Variants in CRB1 observed in about 807,000 individuals in gnomAD.
The protein encoded by CRB1 is crumbs cell polarity complex component 1.
A neutral mutation model predicts 120.0 loss-of-function variants in CRB1; 83 were observed. That is an observed-to-expected ratio of 0.69 (90% CI 0.58 to 0.83). The LOEUF (loss-of-function observed/expected upper bound fraction) is 0.83. Ranked by LOEUF, CRB1 falls within the 40% of genes least tolerant of loss-of-function variation. The pLI is 0.00. For missense variants in CRB1, 1,699 were observed against 1,687.6 expected (o/e 1.01, Z -0.12); for synonymous variants, 625 against 612.5 (o/e 1.02, Z -0.30).
chr1:197,348,722 C>T (rs1020954102), intron 4 of CRB1, among the ~76,000 whole-genome samples: 2 of 152,152 alleles, frequency 1.3e-5, no homozygotes, highest in African/African-American at 2.4e-5. Context: ...GTGATCCGCC[C>T]GCCTCAGCCT....
intron 11 of CRB1, among the ~76,000 whole-genome samples, chr1:197,467,910 G>A (rs975799705): frequency 6.6e-6 from 1 of 152,264 alleles, no homozygotes; most frequent in African/African-American, 2.4e-5. Flanking sequence ...CCTCCTGAGA[G>A]ACAGGAAATC....
intron 10 of CRB1, chr1:197,439,637 A>G (rs1238430330): frequency 1.3e-5 from 2 of 152,116 alleles, no homozygotes; most frequent in Admixed American, 1.3e-4. Flanking sequence ...CTTCCATCTC[A>G]TGTATCATCG....
At chr1:197,452,297 C>T (rs539344290) in intron 11 of CRB1, among the ~76,000 whole-genome samples, 29 of 152,336 alleles carry the variant, frequency 1.9e-4, no homozygotes, top group South Asian at 1.5e-3. Flanking sequence ...TCCCTGCATA[C>T]GTGACCTATT....
chr1:197,411,874 G>T (rs1663730721), intron 5 of CRB1, among the ~76,000 whole-genome samples: 1 of 152,134 alleles, frequency 6.6e-6, no homozygotes, highest in Non-Finnish European at 1.5e-5. Flanking sequence ...TCACCCAGAT[G>T]TTAAGCCTAG....
intron 1 of CRB1, among the ~76,000 whole-genome samples, chr1:197,286,118 G>GA (rs1655809826): frequency 6.6e-6 from 1 of 151,662 alleles, no homozygotes; most frequent in African/African-American, 2.4e-5. Flanking sequence ...GCTAATTATT[G>GA]GTGCTCCAGG....
chr1:197,345,692 G>A (rs949599706), intron 3 of CRB1, among the ~76,000 whole-genome samples: 6 of 151,684 alleles, frequency 4.0e-5, no homozygotes, highest in Non-Finnish European at 7.4e-5. Context: ...ATTTTTAGTA[G>A]AGATAGGGTT....
the CRB1 span, among the ~76,000 whole-genome samples, chr1:197,224,129 G>A: frequency 5.4e-5 from 8 of 148,946 alleles, no homozygotes; most frequent in Non-Finnish European, 1.2e-4. Flanking sequence ...TAAAGCTCTT[G>A]TACCGAAAAA....
rs1666220567 is a variant in CRB1, at chr1:197,455,362, C to T, written c.4005+13070C>T. ...CTTGAATTATTTTCCTTATTTTTTG[C>T]TCAAGGAGAACTTTTGGCATCAGTT... On this transcript the variant is annotated intron_variant, in intron 11 of 11. Transcript: ENST00000367400. Among the ~76,000 whole-genome samples the T allele has an allele frequency of 1.3e-5, 2 of 152,042 alleles. 1 individual carries two copies. Among genetic ancestry groups the T allele is most frequent in the South Asian group, 4.2e-4 (2 of 4,816 alleles).
intron 5 of CRB1, among the ~76,000 whole-genome samples, chr1:197,369,938 A>C (rs945456117): frequency 1.3e-5 from 2 of 152,060 alleles, no homozygotes; most frequent in African/African-American, 4.8e-5. Context: ...TCTTCTTCCA[A>C]ATCTCATGTT....
chr1:197,225,438 C>T, the CRB1 span, among the ~76,000 whole-genome samples: 1 of 152,188 alleles, frequency 6.6e-6, no homozygotes, highest in East Asian at 1.9e-4. Context: ...ATTGCCTACC[C>T]CAGCAGCTCT....
chr1:197,219,377 T>G, the CRB1 span, among the ~76,000 whole-genome samples: 1 of 152,210 alleles, frequency 6.6e-6, no homozygotes, highest in Non-Finnish European at 1.5e-5. Flanking sequence ...TTCACTTGAT[T>G]TTTGTGCCTT....
the CRB1 span, among the ~76,000 whole-genome samples, chr1:197,219,949 GC>G: frequency 1.3e-5 from 2 of 152,172 alleles, no homozygotes; most frequent in Admixed American, 6.5e-5. Context: ...CTTTAGGGAA[GC>G]TTTTGCTAAC....
the CRB1 span, among the ~76,000 whole-genome samples, chr1:197,259,028 A>G: frequency 6.6e-6 from 1 of 152,208 alleles, no homozygotes; most frequent in South Asian, 2.1e-4. Context: ...TCAAGAAACA[A>G]CAGATGCTGG....
intron 1 of CRB1, among the ~76,000 whole-genome samples, chr1:197,309,678 C>T (rs1218728099): frequency 2.0e-5 from 3 of 151,602 alleles, no homozygotes; most frequent in Non-Finnish European, 2.9e-5. Context: ...GGCATGAACC[C>T]GGGAGGCAGA....
the CRB1 span, chr1:197,222,606 A>G: frequency 1.3e-6 from 1 of 772,260 alleles, no homozygotes; most frequent in Non-Finnish European, 2.4e-6. Flanking sequence ...TAGTGAGGAA[A>G]GAGTGTATTT....
chr1:197,351,727 G>A (rs1293809620), intron 4 of CRB1, among the ~76,000 whole-genome samples: 2 of 152,134 alleles, frequency 1.3e-5, no homozygotes, highest in African/African-American at 4.8e-5. Flanking sequence ...AGGTTGGGGC[G>A]AGGGGTAGTC....
At chr1:197,430,207 C>A (rs934736324) in intron 8 of CRB1, among the ~76,000 whole-genome samples, 3 of 152,162 alleles carry the variant, frequency 2.0e-5, no homozygotes. Context: ...GAATACTATA[C>A]AGTATTCACA....
At chr1:197,423,274 T>G (rs749922779) in intron 6 of CRB1, among the ~76,000 whole-genome samples, 1 of 152,184 alleles carries the variant, frequency 6.6e-6, no homozygotes, top group Non-Finnish European at 1.5e-5. Context: ...GCCAATCCAC[T>G]GGGTTCTGGT....
At chr1:197,332,736 A>G (rs1319400518) in intron 2 of CRB1, among the ~76,000 whole-genome samples, 1 of 152,192 alleles carries the variant, frequency 6.6e-6, no homozygotes, top group Admixed American at 6.5e-5. Flanking sequence ...AGTCTAATGT[A>G]TAGCCAGGGC....
Sources: allele counts gnomAD v4.1 joint callset (sites outside exome capture counted in the v4.1 genomes callset), GRCh38; gene constraint gnomAD v4.1.1; transcripts MANE v1.5; gene names NCBI Gene and HGNC (gene_info 2026-07-23, HGNC 2026-07-21).